The following SUMF2 variants were observed in gnomAD, a reference collection of about 807,000 sequenced individuals.
The protein encoded by SUMF2 is sulfatase modifying factor 2, also known as inactive C-alpha-formylglycine-generating enzyme 2.
SUMF2 carries 45 observed loss-of-function variants against 44.8 expected under a neutral mutation model. The observed-to-expected ratio is 1.00, with a 90% CI of 0.79 to 1.29. SUMF2 has a LOEUF of 1.29. SUMF2 is among the 50% of genes most tolerant of loss of function. The pLI, the probability that SUMF2 is intolerant of heterozygous loss-of-function variation, is 0.00. For missense variants in SUMF2, 418 were observed against 389.9 expected (o/e 1.07, Z -0.61); for synonymous variants, 148 against 150.4 (o/e 0.98, Z 0.12).
intron 2 of SUMF2, among the ~76,000 whole-genome samples, chr7:56,069,535 G>A (rs1409404787): frequency 1.3e-5 from 2 of 151,876 alleles, no homozygotes; most frequent in South Asian, 2.1e-4. Flanking sequence ...TACCCTGACA[G>A]TCTGCCCCCT....
intron 2 of SUMF2, among the ~76,000 whole-genome samples, chr7:56,069,870 C>T (rs1795048608): frequency 6.6e-6 from 1 of 152,034 alleles, no homozygotes; most frequent in South Asian, 2.1e-4. Context: ...AGGTGTGACC[C>T]ACCATGCCTG....
intron 3 of SUMF2, chr7:56,073,335 G>T (rs1344761725): frequency 5.2e-6 from 3 of 579,328 alleles, no homozygotes; most frequent in Non-Finnish European, 9.5e-6. Context: ...GTCAGGATAG[G>T]ATCCAAGGAA....
In SUMF2 at chr7:56,079,609, G is replaced by GT; in HGVS notation, c.904dup (p.Ter302LeufsTer13). 2 of 1,614,236 alleles carry GT rather than the reference G, an allele frequency of 1.2e-6. No homozygotes were observed. Among genetic ancestry groups the GT allele is most frequent in the Non-Finnish European group, 1.7e-6 (2 of 1,180,038 alleles). On this transcript the variant is annotated frameshift_variant, in exon 9 of 9. Transcript: ENST00000434526. LOFTEE classifies it high-confidence loss of function. Reference sequence around the variant, plus strand: ...ACGCAGGCCGGCCGCCAGGGGAGCTGTAAGCAGCCGGGTGGTGACAAGGAG... The same window carrying GT: ...ACGCAGGCCGGCCGCCAGGGGAGCTGTTAAGCAGCCGGGTGGTGACAAGGAG...
downstream of SUMF2, chr7:56,083,059 T>C (rs1452872423): frequency 2.3e-5 from 11 of 472,550 alleles, no homozygotes; most frequent in South Asian, 1.8e-4. Context: ...TGAGCCGAGA[T>C]TGTGCCACTG....
rs372598654 is a variant in SUMF2, at chr7:56,067,893, C to T, written c.68-589C>T. 9.6e-4 allele frequency among the ~76,000 whole-genome samples: 95 copies of T among 98,526 alleles called. No homozygotes were observed. The East Asian group carries it at 0.03, about 31-fold the overall frequency. The allele number at this position is 98,526 out of a possible 152,430, so 64.6% of individuals were successfully genotyped here. A position where few individuals can be genotyped will look rare whatever the true frequency, so the allele number is the denominator to read the frequency against. ...TGGGTGACACAGCGAGATCCTGTCA[C>T]GAAAAAAAAAAAAAAAAAGACAAGA... On this transcript the variant is annotated intron_variant, in intron 1 of 8. Coordinates refer to ENST00000434526, the MANE Select transcript of SUMF2 (RefSeq NM_015411.4).
intron 1 of SUMF2, among the ~76,000 whole-genome samples, chr7:56,066,652 C>T (rs1167321887): frequency 6.6e-6 from 1 of 152,168 alleles, no homozygotes; most frequent in Non-Finnish European, 1.5e-5. Context: ...CGGAGTCTCG[C>T]TCCTGTCGCC....
chr7:56,082,317 C>T, downstream of SUMF2: 3 of 1,277,092 alleles, frequency 2.3e-6, no homozygotes, highest in South Asian at 3.7e-5. Context: ...TCCAGGCTGG[C>T]CGCAGTGGCT....
At chr7:56,065,240 AC>A (rs954049287) in intron 1 of SUMF2, among the ~76,000 whole-genome samples, 1 of 147,532 alleles carries the variant, frequency 6.8e-6, no homozygotes, top group African/African-American at 2.5e-5. Context: ...ACGAGGAACG[AC>A]CCCCGCCCCC....
chr7:56,082,272 TCAGGGCAGGTCAG>T (rs1476867502), downstream of SUMF2: 27 of 1,593,128 alleles, frequency 1.7e-5, no homozygotes, highest in Non-Finnish European at 2.3e-5. Flanking sequence ...ACAGTCATCA[TCAGGGCAGGTCAG>T]CAGGGCACTC....
At position 56,064,319 on chromosome 7, in the gene SUMF2, G is replaced by T. The variant is rs749955395; in HGVS notation, c.8G>T (p.Arg3Leu). ...CGCAGCGCGGCAGTCCTGATGGCCC[G>T]GCATGGGTTACCGCTGCTGCCCCTG... Reference protein sequence around the residue: MARHGLPLLPLLS... With the variant: MALHGLPLLPLLS... The change falls in exon 1 of 9, where the codon CGG (arginine) becomes CTG (leucine). Residue 3 changes from arginine (R) to leucine (L), a missense_variant. Transcript: ENST00000434526. 6.3e-7 allele frequency: 1 copy of T among 1,595,790 alleles called. No individual in the cohort carries two copies. The highest frequency in any genetic ancestry group is 1.1e-5 in the South Asian group (1 of 88,420).
intron 3 of SUMF2, 142 bp from the exon 4 acceptor site, chr7:56,074,032 A>G (rs939127487): frequency 3.4e-6 from 2 of 584,072 alleles, no homozygotes; most frequent in Non-Finnish European, 5.9e-6. Context: ...AAAAAAAAAA[A>G]AAAAAAAAAA....
chr7:56,074,713 T>G lies in SUMF2; in HGVS notation c.512T>G (p.Phe171Cys), dbSNP rs984130978. Residue 171 changes from phenylalanine to cysteine, a missense_variant, in exon 5 of 9, where the codon TTT (phenylalanine) becomes TGT (cysteine). By Grantham distance (205) the Phe-to-Cys change is radical. Coordinates refer to ENST00000434526, the MANE Select transcript of SUMF2 (RefSeq NM_015411.4). The part of the protein sequence containing the change: ...KRLPTEEEWE[F>C]AARGGLKGQV... ...CTGCCCACGGAGGAAGAGTGGGAGT[T>G]TGCCGCCCGAGGGGGCTTGAAGGGT... 6.2e-7 allele frequency: 1 copy of G among 1,614,088 alleles called. No homozygotes were observed. Among genetic ancestry groups the G allele is most frequent in the Middle Eastern group, 1.6e-4 (1 of 6,062 alleles).
At chr7:56,084,085 C>A, downstream of SUMF2, 1 of 888,306 alleles carries the variant, frequency 1.1e-6, no homozygotes, top group Non-Finnish European at 1.8e-6. Flanking sequence ...TAGTTCCAGG[C>A]CAGGATGGCT....
At chr7:56,076,673 C>T (rs1474617384) in intron 5 of SUMF2, 161 bp from the exon 6 acceptor site, 15 of 602,846 alleles carry the variant, frequency 2.5e-5, no homozygotes, top group South Asian at 6.8e-5. Flanking sequence ...TGCAGTTCAG[C>T]GAGTGGAGAG....
In SUMF2 at chr7:56,068,579, G is replaced by T. The variant is rs148774762; in HGVS notation, c.165G>T (p.Arg55=). 77 of 1,613,874 alleles carry T rather than the reference G, an allele frequency of 4.8e-5. No homozygotes were observed. In the African/African-American group the frequency reaches 1.0e-3, roughly 21 times the overall value. ...GCAGAGATGGTGACGGGCCTGTGCG[G>T]GAGGCGACAGTGAAACCCTTTGCCA... ...PDSRDGDGPV[R]EATVKPFAID... is the part of the protein sequence containing the mutation. Residue 55 remains arginine, a synonymous_variant, in exon 2 of 9, where the codon CGG becomes CGT. Transcript: ENST00000434526.
intron 3 of SUMF2, 184 bp from the exon 4 acceptor site, chr7:56,073,990 G>C (rs1795353873): frequency 3.4e-6 from 2 of 596,794 alleles, no homozygotes; most frequent in Non-Finnish European, 2.9e-6. Context: ...ACTCTAGCCT[G>C]AGTGACAGAG....
intron 2 of SUMF2, among the ~76,000 whole-genome samples, chr7:56,069,429 C>T (rs1324465035): frequency 6.6e-6 from 1 of 151,716 alleles, no homozygotes. Flanking sequence ...CATAGGGAGA[C>T]CCTATCTCTG....
At chr7:56,084,513 A>G (rs141349477), downstream of SUMF2, among the ~76,000 whole-genome samples, 809 of 151,622 alleles carry the variant, frequency 5.3e-3, 8 homozygotes, top group African/African-American at 0.019. Flanking sequence ...AGCTGGGATT[A>G]CAGGTGCCCA....
chr7:56,083,520 GCCACA>G, downstream of SUMF2: 1 of 1,554,240 alleles, frequency 6.4e-7, no homozygotes, highest in South Asian at 1.1e-5. Flanking sequence ...TCACATTTCA[GCCACA>G]CTGCAAGGGA....
Sources: gnomAD v4.1 joint callset for allele counts (sites outside exome capture counted in the v4.1 genomes callset) on GRCh38, gnomAD v4.1.1 for gene constraint, MANE v1.5 for transcripts, NCBI Gene and HGNC (gene_info 2026-07-23, HGNC 2026-07-21) for gene names.